Variants in ARL10 observed in about 807,000 individuals in gnomAD.
The protein encoded by ARL10 is ARF like GTPase 10.
In ARL10, 23 loss-of-function variants were observed where a neutral mutation model predicts 26.1. The observed-to-expected ratio is 0.88, with a 90% CI of 0.63 to 1.25. ARL10 has a LOEUF of 1.25. Ranked by LOEUF, ARL10 falls within the 50% of genes most tolerant of loss-of-function variation. ARL10 has a pLI of 0.00. For missense variants in ARL10, 300 were observed against 323.6 expected (o/e 0.93, Z 0.56); for synonymous variants, 138 against 149.1 (o/e 0.93, Z 0.54).
At chr5:176,412,954 C>T in the ARL10 span, among the ~76,000 whole-genome samples, 1 of 152,256 alleles carries the variant, frequency 6.6e-6, no homozygotes, top group Middle Eastern at 3.4e-3. Flanking sequence ...ATTTGCACCA[C>T]CCTACTCCGC....
At chr5:176,394,737 C>A (rs935770486) in intron 1 of ARL10, among the ~76,000 whole-genome samples, 7 of 152,048 alleles carry the variant, frequency 4.6e-5, no homozygotes, top group African/African-American at 1.7e-4. Flanking sequence ...ATTGCTTGAG[C>A]CCAGGAGGCG....
At chr5:176,371,591 ATAG>A (rs1768546973) in intron 3 of ARL10, 128 bp from the exon 4 acceptor site, 1 of 577,628 alleles carries the variant, frequency 1.7e-6, no homozygotes. Flanking sequence ...ATTCCCGGGG[ATAG>A]CCTAAGAACA....
the ARL10 span, among the ~76,000 whole-genome samples, chr5:176,408,228 T>TC: frequency 1.1e-4 from 10 of 90,898 alleles, no homozygotes; most frequent in South Asian, 3.9e-3. Context: ...GGTTTTCCTC[T>TC]TTTTTTTTTT....
downstream of ARL10, chr5:176,383,868 G>T: frequency 9.1e-7 from 1 of 1,095,618 alleles, no homozygotes; most frequent in South Asian, 1.7e-5. Context: ...TGGCCTCTCA[G>T]CCCCGGTAGA....
chr5:176,371,765 T>A lies in ARL10; in HGVS notation c.605T>A (p.Leu202Gln). 1 of 1,614,222 alleles carries A rather than the reference T, an allele frequency of 6.2e-7. No homozygotes were observed. The highest frequency in any genetic ancestry group is 8.5e-7 in the Non-Finnish European group (1 of 1,180,038). The change falls in exon 4 of 4, where the codon CTG becomes CAG. Residue 202 changes from leucine (L) to glutamine (Q), a missense_variant. Coordinates refer to ENST00000310389, the MANE Select transcript of ARL10 (RefSeq NM_173664.6). ...AGTATGGGGGAGCTGCAGCGGGAGC[T>A]GGGTCTACAGGCTATCGATAACCAG... is the stretch of plus-strand genomic sequence containing the variant. The part of the protein sequence containing the change: ...AMSMGELQRE[L>Q]GLQAIDNQRE...
At position 176,365,749 on chromosome 5, in the gene ARL10, G is replaced by A. The variant is rs1290723866; in HGVS notation, c.183+3G>A. On this transcript the variant is annotated splice_donor_region_variant and intron_variant, in intron 1 of 3. Transcript: ENST00000310389. ...TCCCCGAGTGGGACGAGTGGGACGT[G>A]AGTGCCGGGCCGAGGCCTGCGGAAG... 1.6e-6 allele frequency: 2 copies of A among 1,235,710 alleles called. No individual in the cohort carries two copies. The highest frequency in any genetic ancestry group is 8.0e-5 in the South Asian group (2 of 25,090). 76.5% of individuals were successfully genotyped at this position (1,235,710 alleles called of 1,614,324 possible).
At position 176,376,676 on chromosome 5, in the gene ARL10, C is replaced by T. The variant is rs1407732117; in HGVS notation, c.*4781C>T. 6.6e-6 allele frequency: 1 copy of T among 152,228 alleles called. No homozygotes were observed. Among genetic ancestry groups the T allele is most frequent in the East Asian group, 1.9e-4 (1 of 5,196 alleles). 9.4% of individuals were successfully genotyped at this position (152,228 alleles called of 1,614,324 possible). A position where few individuals can be genotyped will look rare whatever the true frequency, so the allele number is the denominator to read the frequency against. ...TCATCCACATCTAGGGAAAGCTGTTCATGTCTAGGACGTGATCTGCTTCTG... is the reference window on the plus strand; with the variant it reads ...TCATCCACATCTAGGGAAAGCTGTTTATGTCTAGGACGTGATCTGCTTCTG... On this transcript the variant is annotated 3_prime_UTR_variant, in exon 4 of 4. Coordinates refer to ENST00000310389, the MANE Select transcript of ARL10 (RefSeq NM_173664.6).
chr5:176,384,342 T>TTGA, downstream of ARL10: 1 of 1,614,144 alleles, frequency 6.2e-7, no homozygotes, highest in South Asian at 1.1e-5. Flanking sequence ...TTGGGGTATC[T>TTGA]TGATAGTAAT....
At chr5:176,399,660 G>A (rs761083035) in intron 1 of ARL10, among the ~76,000 whole-genome samples, 13 of 151,062 alleles carry the variant, frequency 8.6e-5, no homozygotes, top group Non-Finnish European at 1.6e-4. Context: ...TTGGGAGGCC[G>A]AAGCGGGCAG....
the ARL10 span, among the ~76,000 whole-genome samples, chr5:176,412,437 T>C: frequency 9.2e-5 from 14 of 152,104 alleles, no homozygotes; most frequent in Admixed American, 9.2e-4. Flanking sequence ...CAGCACGGAA[T>C]GGGTGAGCAG....
chr5:176,392,690 G>T (rs1756309796), downstream of ARL10: 1 of 1,488,630 alleles, frequency 6.7e-7, no homozygotes. This position sits in a 1 kb window ranked among gnomAD's most constrained non-coding sequence, Gnocchi z 5.2. Flanking sequence ...AGCAGCTGCT[G>T]CGAGTCTCCA....
At chr5:176,384,337 G>T (rs761822995), downstream of ARL10, 9 of 1,614,192 alleles carry the variant, frequency 5.6e-6, no homozygotes, top group South Asian at 9.9e-5. Flanking sequence ...CTGTTTTGGG[G>T]TATCTTGATA....
At position 176,381,083 on chromosome 5, in the gene ARL10, A is replaced by G. The variant is rs1755542918; in HGVS notation, c.*9188A>G. 6.6e-6 allele frequency: 1 copy of G among 152,196 alleles called. No homozygotes were observed. Among genetic ancestry groups the G allele is most frequent in the African/African-American group, 2.4e-5 (1 of 41,454 alleles). The allele number at this position is 152,196 out of a possible 1,614,324, so 9.4% of individuals were successfully genotyped here. A position where few individuals can be genotyped will look rare whatever the true frequency, so the allele number is the denominator to read the frequency against. On this transcript the variant is annotated 3_prime_UTR_variant, in exon 4 of 4. Transcript: ENST00000310389. ...ACACCCAGCCCCATAATTCTTACAT[A>G]TAAAATTAGATGGAGTCCCAGACTC...
intron 1 of ARL10, chr5:176,396,338 A>C: frequency 1.3e-6 from 1 of 776,848 alleles, no homozygotes; most frequent in East Asian, 2.5e-5. Flanking sequence ...GCCTGCACCC[A>C]CCAGGGCATT....
chr5:176,386,895 C>T (rs745788459), downstream of ARL10: 4 of 1,613,982 alleles, frequency 2.5e-6, no homozygotes, highest in Admixed American at 3.3e-5. Flanking sequence ...CTATGTCCAC[C>T]TCCATGGCCT....
At chr5:176,385,990 C>T (rs1755817118), downstream of ARL10, 1 of 152,534 alleles carries the variant, frequency 6.6e-6, no homozygotes, top group Non-Finnish European at 1.5e-5. Context: ...TGTATATAGT[C>T]AAAATTATCT....
intron 2 of ARL10, among the ~76,000 whole-genome samples, chr5:176,367,315 G>GTT (rs1012057906): frequency 2.1e-5 from 3 of 145,172 alleles, no homozygotes; most frequent in Non-Finnish European, 3.0e-5. Context: ...CACCATTCTA[G>GTT]TTTTTTTTTT....
intron 3 of ARL10, among the ~76,000 whole-genome samples, chr5:176,371,238 G>A (rs562746682): frequency 2.2e-4 from 33 of 152,170 alleles, no homozygotes; most frequent in African/African-American, 4.3e-4. Context: ...AGCCAGGCGT[G>A]GTGGCTCACA....
At chr5:176,406,752 G>A (rs543652782), downstream of ARL10, 119 of 1,257,864 alleles carry the variant, frequency 9.5e-5, no homozygotes, top group African/African-American at 1.6e-3. Flanking sequence ...CTCTGTCTGG[G>A]ATCCTTGAAA....
Sources: allele counts gnomAD v4.1 joint callset (sites outside exome capture counted in the v4.1 genomes callset), GRCh38; gene constraint gnomAD v4.1.1; non-coding constraint Gnocchi (gnomAD v3.1); transcripts MANE v1.5; gene names NCBI Gene and HGNC (gene_info 2026-07-23, HGNC 2026-07-21).